CD58: variants seen among roughly 807,000 people sequenced by gnomAD.
The protein encoded by CD58 is CD58 molecule, also known as lymphocyte function-associated antigen 3.
A neutral mutation model predicts 27.6 loss-of-function variants in CD58; 14 were observed. The observed-to-expected ratio is 0.51, with a 90% CI of 0.34 to 0.79. The LOEUF is 0.79. Ranked by LOEUF, CD58 falls within the 30% of genes least tolerant of loss-of-function variation. The pLI, the probability that CD58 is intolerant of heterozygous loss-of-function variation, is 0.02. For missense variants in CD58, 268 were observed against 301.7 expected (o/e 0.89, Z 0.83); for synonymous variants, 117 against 103.8 (o/e 1.13, Z -0.77).
rs1421267544 is a variant in CD58 at position 116,517,700 on chromosome 1, CCTAGGGCAT to C, written c.743+1522_743+1530del. On this transcript the variant is annotated intron_variant, in intron 5 of 5. Transcript: ENST00000369489. This position sits in a 1 kb window ranked among gnomAD's most constrained non-coding sequence, Gnocchi z 6.5. ...CGCCTCCTCTGCCTCTTCCCATCAC[CCTAGGGCAT>C]CTAGCTTTTCTTTCTTAGTGACCTC... 2.6e-5 allele frequency among the ~76,000 whole-genome samples: 4 copies of C among 152,212 alleles called. No homozygotes were observed. Among genetic ancestry groups the C allele is most frequent in the Non-Finnish European group, 5.9e-5 (4 of 68,040 alleles).
At chr1:116,561,817 T>C (rs1437789710) in intron 1 of CD58, among the ~76,000 whole-genome samples, 2 of 152,238 alleles carry the variant, frequency 1.3e-5, no homozygotes, top group Non-Finnish European at 2.9e-5. Flanking sequence ...TACCTAAGCT[T>C]TGTTCTCCTA....
intron 3 of CD58, among the ~76,000 whole-genome samples, chr1:116,529,900 G>A (rs1657542627): frequency 6.6e-6 from 1 of 152,132 alleles, no homozygotes; most frequent in Non-Finnish European, 1.5e-5. Context: ...TGACTAAAAT[G>A]ATGACAAACC....
intron 1 of CD58, among the ~76,000 whole-genome samples, chr1:116,549,157 C>T (rs909187532): frequency 1.3e-5 from 2 of 152,124 alleles, no homozygotes; most frequent in South Asian, 2.1e-4. Context: ...AGACAGACAC[C>T]GTCCCTTCCT....
intron 1 of CD58, among the ~76,000 whole-genome samples, chr1:116,551,738 C>CTT (rs1298283594): frequency 4.2e-4 from 54 of 129,742 alleles, no homozygotes; most frequent in African/African-American, 1.2e-3. Context: ...TTCTTTCTTT[C>CTT]TTTTTTTTTT....
At chr1:116,551,107 A>C (rs1037494374) in intron 1 of CD58, among the ~76,000 whole-genome samples, 2 of 152,160 alleles carry the variant, frequency 1.3e-5, no homozygotes, top group African/African-American at 4.8e-5. Flanking sequence ...GGGCCCTAAA[A>C]ATTTTCAGAG....
chr1:116,555,580 G>A (rs2101211817), intron 1 of CD58, among the ~76,000 whole-genome samples: 1 of 152,244 alleles, frequency 6.6e-6, no homozygotes, highest in Non-Finnish European at 1.5e-5. Flanking sequence ...TTTAAATAAA[G>A]ATATGAGGGT....
At chr1:116,568,826 G>A (rs562499460) in intron 1 of CD58, among the ~76,000 whole-genome samples, 1 of 152,354 alleles carries the variant, frequency 6.6e-6, no homozygotes, top group Admixed American at 6.5e-5. Flanking sequence ...CAGGTGAGGA[G>A]TGGGGCCAGG....
At position 116,546,186 on chromosome 1, in the gene CD58, A is replaced by G. The variant is rs1242188953; in HGVS notation, c.71-1582T>C. Reference sequence around the variant, plus strand: ...GACCTGTCTCAACAAACAAACAAAAAACTGCAGCTATTTTAAGTTAACATT... The same window carrying G: ...GACCTGTCTCAACAAACAAACAAAAGACTGCAGCTATTTTAAGTTAACATT... On this transcript the variant is annotated intron_variant, in intron 1 of 5. Transcript: ENST00000369489. This position sits in a 1 kb window ranked among gnomAD's most constrained non-coding sequence, Gnocchi z 4.1. Among the ~76,000 whole-genome samples, 1 of 152,188 alleles carries G rather than the reference A, an allele frequency of 6.6e-6. No homozygotes were observed. The highest frequency in any genetic ancestry group is 1.5e-5 in the Non-Finnish European group (1 of 68,032).
chr1:116,570,854 C>G lies in CD58; in HGVS notation c.70+49G>C. The G allele has an allele frequency of 2.7e-6, 4 of 1,459,916 alleles. No individual in the cohort carries two copies. Among genetic ancestry groups the G allele is most frequent in the Non-Finnish European group, 3.7e-6 (4 of 1,081,196 alleles). 90.4% of individuals were successfully genotyped at this position (1,459,916 alleles called of 1,614,324 possible). ...GCGCGTCCACCCAGCCTGGGTGCTG[C>G]CCAGTACCCGCCGGCCGGCGCGGGG... On this transcript the variant is annotated intron_variant, in intron 1 of 5. Transcript: ENST00000369489. The surrounding 1 kb of genome is among the most constrained non-coding windows in gnomAD (Gnocchi z 6.4).
rs1317898687 is a variant in CD58, at chr1:116,532,392, C to A, written c.628+3573G>T. Among the ~76,000 whole-genome samples the A allele has an allele frequency of 6.6e-6, 1 of 152,192 alleles. No individual in the cohort carries two copies. The highest frequency in any genetic ancestry group is 2.4e-5 in the African/African-American group (1 of 41,442). On this transcript the variant is annotated intron_variant, in intron 3 of 5. Transcript: ENST00000369489. This position sits in a 1 kb window ranked among gnomAD's most constrained non-coding sequence, Gnocchi z 5.1. ...AAAAAGAAGATCAAAAAGCAACATC[C>A]TAAGGAGAATACGGCCCTACTCTAC...
chr1:116,558,347 G>A (rs1163910639), intron 1 of CD58, among the ~76,000 whole-genome samples: 1 of 152,126 alleles, frequency 6.6e-6, no homozygotes, highest in East Asian at 1.9e-4. Flanking sequence ...TTCTCATCTG[G>A]ATATGGGTCA....
In CD58 at chr1:116,570,988, C is replaced by G. The variant is rs757490945; in HGVS notation, c.-16G>C. 1.3e-6 allele frequency: 2 copies of G among 1,538,346 alleles called. No homozygotes were observed. The highest frequency in any genetic ancestry group is 1.2e-5 in the South Asian group (1 of 83,864). On this transcript the variant is annotated 5_prime_UTR_variant, in exon 1 of 6. Transcript: ENST00000369489. The surrounding 1 kb of genome is among the most constrained non-coding windows in gnomAD (Gnocchi z 6.4). ...CAGCAACCATGGCTCGTCGGGCCGG[C>G]CTCTGCGCGAGTGCCCAGCCACAAG...
rs1289838801 is a variant in CD58, at chr1:116,557,528, C to T, written c.71-12924G>A. Among the ~76,000 whole-genome samples, 1 of 152,122 alleles carries T rather than the reference C, an allele frequency of 6.6e-6. No individual in the cohort carries two copies. Among genetic ancestry groups the T allele is most frequent in the African/African-American group, 2.4e-5 (1 of 41,408 alleles). On this transcript the variant is annotated intron_variant, in intron 1 of 5. Transcript: ENST00000369489. The surrounding 1 kb of genome is among the most constrained non-coding windows in gnomAD (Gnocchi z 5.2). ...GGCACCACACCAGATAAACTTGTAC[C>T]CACTCATGGATGTCAGCCCCAATCA... is the stretch of plus-strand genomic sequence containing the variant.
At chr1:116,556,170 G>A (rs1413899475) in intron 1 of CD58, among the ~76,000 whole-genome samples, 2 of 149,458 alleles carry the variant, frequency 1.3e-5, no homozygotes, top group Admixed American at 1.4e-4. Context: ...CAGGAGAATC[G>A]CTTGAACCCG....
intron 2 of CD58, among the ~76,000 whole-genome samples, chr1:116,539,848 G>A (rs1391427201): frequency 6.6e-6 from 1 of 152,166 alleles, no homozygotes; most frequent in Non-Finnish European, 1.5e-5. Flanking sequence ...ACTTTAAGCA[G>A]CATTAAACTG....
chr1:116,545,272 AG>A (rs1252247154), intron 1 of CD58, among the ~76,000 whole-genome samples: 1 of 152,216 alleles, frequency 6.6e-6, no homozygotes, highest in Non-Finnish European at 1.5e-5. Flanking sequence ...CCTAATGGAG[AG>A]GAAGCCACAG....
rs574166112 is a variant in CD58, at chr1:116,557,661, C to T, written c.71-13057G>A. ...CCCTCTCTCTCTCCCTCCTTCCCTC[C>T]CCTTCCTTCCTTCCTTCCTTTTTCT... On this transcript the variant is annotated intron_variant, in intron 1 of 5. Transcript: ENST00000369489. The surrounding 1 kb of genome is among the most constrained non-coding windows in gnomAD (Gnocchi z 5.2). Among the ~76,000 whole-genome samples the T allele has an allele frequency of 6.7e-6, 1 of 150,016 alleles. No individual in the cohort carries two copies. Among genetic ancestry groups the T allele is most frequent in the South Asian group, 2.1e-4 (1 of 4,662 alleles).
intron 1 of CD58, among the ~76,000 whole-genome samples, chr1:116,562,430 G>A (rs1470176649): frequency 6.6e-6 from 1 of 152,162 alleles, no homozygotes; most frequent in Non-Finnish European, 1.5e-5. Flanking sequence ...GCAATTGCCA[G>A]GCTCATCTCA....
chr1:116,535,637 C>A (rs1374749045), intron 3 of CD58, among the ~76,000 whole-genome samples: 1 of 98,924 alleles, frequency 1.0e-5, no homozygotes, highest in Non-Finnish European at 1.8e-5. Flanking sequence ...GTCAGGAGAT[C>A]GAGACCATCC....
Sources: allele counts gnomAD v4.1 joint callset (sites outside exome capture counted in the v4.1 genomes callset), GRCh38; gene constraint gnomAD v4.1.1; non-coding constraint Gnocchi (gnomAD v3.1); transcripts MANE v1.5; gene names NCBI Gene and HGNC (gene_info 2026-07-23, HGNC 2026-07-21).